TIAM2: variants seen among roughly 807,000 people sequenced by gnomAD.
TIAM2 encodes the protein TIAM Rac1 associated GEF 2, also known as rho guanine nucleotide exchange factor TIAM2.
In TIAM2, 80 loss-of-function variants were observed where a neutral mutation model predicts 152.9. The ratio of observed to expected loss-of-function variants is 0.52; its 90% confidence interval spans 0.44 to 0.63. The LOEUF (loss-of-function observed/expected upper bound fraction) is 0.63, where lower values mean the gene tolerates loss of function less well. Among genes scored for constraint, TIAM2 ranks in the 30% least tolerant of loss-of-function variants. The probability of loss-of-function intolerance (pLI) is 0.00; values close to 1 mark genes in which losing one functional copy is unlikely to be tolerated. For synonymous variants in TIAM2, 804 were observed against 838.0 expected (o/e 0.96, Z 0.70); for missense variants, 1,965 against 2,120.1 (o/e 0.93, Z 1.44).
intron 1 of TIAM2, among the ~76,000 whole-genome samples, chr6:155,054,107 A>G (rs1181226771): frequency 2.0e-5 from 3 of 152,184 alleles, no homozygotes; most frequent in Non-Finnish European, 4.4e-5. Flanking sequence ...TGGGAGGCGG[A>G]AGTGTCAGTA....
chr6:155,175,646 G>A (rs1780742538), intron 9 of TIAM2, among the ~76,000 whole-genome samples: 1 of 152,234 alleles, frequency 6.6e-6, no homozygotes, highest in Non-Finnish European at 1.5e-5. Flanking sequence ...TGCTGGTAGA[G>A]TCTGTGACTT....
chr6:155,124,331 C>A (rs1046127492), intron 2 of TIAM2, among the ~76,000 whole-genome samples: 1 of 148,034 alleles, frequency 6.8e-6, no homozygotes, highest in African/African-American at 2.5e-5. Context: ...AGGTTTTGAA[C>A]TTTTTTTTTC....
chr6:155,000,529 C>CAAAAAAAA (rs58867200), intron 1 of TIAM2, among the ~76,000 whole-genome samples: 1 of 97,746 alleles, frequency 1.0e-5, no homozygotes, highest in African/African-American at 3.9e-5. Context: ...GAAACTGTTG[C>CAAAAAAAA]AAAAAAAAAA....
At chr6:155,055,136 C>T (rs9397770) in intron 1 of TIAM2, among the ~76,000 whole-genome samples, 21,969 of 152,132 alleles carry the variant, frequency 0.14, 1,761 homozygotes, top group Middle Eastern at 0.26. Flanking sequence ...GTCTGGATCA[C>T]TGTTCATTGC....
chr6:155,232,459 T>G (rs1278436611), intron 15 of TIAM2: 1 of 152,240 alleles, frequency 6.6e-6, no homozygotes, highest in Non-Finnish European at 1.5e-5. Context: ...CCACACCCTT[T>G]CTGGGGCTTG....
chr6:155,223,605 T>C (rs141139238), intron 15 of TIAM2, among the ~76,000 whole-genome samples: 114 of 151,492 alleles, frequency 7.5e-4, no homozygotes, highest in African/African-American at 2.7e-3. Context: ...CATTACGTGC[T>C]GGGATGTTTT....
At position 155,164,466 on chromosome 6, in the gene TIAM2, A is replaced by T. The variant is rs767466247; in HGVS notation, c.2080A>T (p.Met694Leu). ...LEKFHMDLFR[M>L]RCYLASLQGG... The stretch of plus-strand genomic sequence containing the variant: ...GAAATTTCACATGGATCTGTTCAGG[A>T]TGCGCTGCTATCTGGCCAGCCTACA... Residue 694 changes from methionine to leucine, a missense_variant, in exon 8 of 27, where the codon ATG (methionine) becomes TTG (leucine). Met to Leu is a conservative substitution (Grantham distance 15). This residue lies in a region of TIAM2 where 1,025 missense variants were observed against 1,119.4 expected (regional missense o/e 0.92). Coordinates refer to ENST00000682666, the MANE Select transcript of TIAM2 (RefSeq NM_012454.4). 3.7e-6 allele frequency: 6 copies of T among 1,614,056 alleles called. No individual in the cohort carries two copies. The highest frequency in any genetic ancestry group is 3.4e-6 in the Non-Finnish European group (4 of 1,179,978).
chr6:155,040,820 A>G (rs779746364), intron 1 of TIAM2, among the ~76,000 whole-genome samples: 1 of 152,164 alleles, frequency 6.6e-6, no homozygotes, highest in Non-Finnish European at 1.5e-5. Context: ...TGCCTGGCTA[A>G]GAGCACAGTT....
At chr6:155,124,751 T>C (rs1186124533) in intron 2 of TIAM2, among the ~76,000 whole-genome samples, 1 of 152,146 alleles carries the variant, frequency 6.6e-6, no homozygotes, top group Non-Finnish European at 1.5e-5. Flanking sequence ...CACAGCTGCC[T>C]ACTAAAAGGT....
Position 155,183,452 on chromosome 6 carries a change from C to G in TIAM2, c.3016C>G (p.Gln1006Glu). ...KSLLPPPNQS[Q>E]LLEEFLDNFK... ...TCTGCTGCCCCCTCCTAACCAGTCC[C>G]AACTGCTGGAGGAATTCCTGGATAA... is the stretch of plus-strand genomic sequence containing the variant. The change falls in exon 14 of 27, where the codon CAA becomes GAA. Residue 1006 changes from glutamine (Q) to glutamate (E), a missense_variant. Transcript: ENST00000682666. The G allele has an allele frequency of 6.2e-7, 1 of 1,613,994 alleles. No homozygotes were observed. The highest frequency in any genetic ancestry group is 2.2e-5 in the East Asian group (1 of 44,880).
At chr6:155,078,457 A>G (rs1029580002) in intron 1 of TIAM2, among the ~76,000 whole-genome samples, 1 of 152,190 alleles carries the variant, frequency 6.6e-6, no homozygotes, top group African/African-American at 2.4e-5. Flanking sequence ...GCATGGGACC[A>G]TCAGACTTGG....
intron 14 of TIAM2, among the ~76,000 whole-genome samples, chr6:155,210,980 C>T (rs1024759480): frequency 1.3e-5 from 2 of 152,130 alleles, no homozygotes; most frequent in African/African-American, 2.4e-5. Context: ...TGGTCTCTTT[C>T]GACCAAAACA....
At chr6:155,116,623 T>TA (rs1276259397) in intron 2 of TIAM2, among the ~76,000 whole-genome samples, 2 of 152,196 alleles carry the variant, frequency 1.3e-5, no homozygotes, top group African/African-American at 4.8e-5. Context: ...AGGAGGACGG[T>TA]ATCTGCTTCT....
chr6:155,244,950 A>C (rs889472884), intron 18 of TIAM2, 167 bp downstream of exon 18: 15 of 874,876 alleles, frequency 1.7e-5, no homozygotes, highest in Non-Finnish European at 2.4e-5. Context: ...TGGTAAAGGA[A>C]GGCTGTATAT....
intron 5 of TIAM2, among the ~76,000 whole-genome samples, chr6:155,139,011 G>T (rs1285698986): frequency 6.6e-6 from 1 of 152,240 alleles, no homozygotes; most frequent in African/African-American, 2.4e-5. Flanking sequence ...ACCCAGAGCG[G>T]CCTCGCAGCC....
At chr6:155,145,350 T>C (rs960791719) in intron 6 of TIAM2, among the ~76,000 whole-genome samples, 1 of 152,136 alleles carries the variant, frequency 6.6e-6, no homozygotes, top group Admixed American at 6.5e-5. Context: ...GCCATCGGTA[T>C]TGGGGTCGGG....
intron 15 of TIAM2, among the ~76,000 whole-genome samples, chr6:155,225,096 C>T (rs1782197144): frequency 6.6e-6 from 1 of 152,172 alleles, no homozygotes; most frequent in East Asian, 1.9e-4. Context: ...GCTGGGATTA[C>T]AGGCATGCAC....
intron 1 of TIAM2, among the ~76,000 whole-genome samples, chr6:155,014,342 A>G (rs577733519): frequency 1.1e-4 from 16 of 152,310 alleles, no homozygotes; most frequent in East Asian, 1.9e-4. Context: ...CATCAAATAA[A>G]TGTCTATAAA....
At chr6:155,167,863 A>T (rs1031018871) in intron 9 of TIAM2, among the ~76,000 whole-genome samples, 2 of 152,234 alleles carry the variant, frequency 1.3e-5, no homozygotes, top group Non-Finnish European at 2.9e-5. Flanking sequence ...TAATCAAGAC[A>T]GTATATTCGA....
Sources: gnomAD v4.1 joint callset for allele counts (sites outside exome capture counted in the v4.1 genomes callset) on GRCh38, gnomAD v4.1.1 for gene constraint, gnomAD v4.1.1 regional missense constraint, MANE v1.5 for transcripts, NCBI Gene and HGNC (gene_info 2026-07-23, HGNC 2026-07-21) for gene names.